Variants in MMP10 observed in about 807,000 individuals in gnomAD.
MMP10 encodes the protein stromelysin-2.
In MMP10, 50 loss-of-function variants were observed where a neutral mutation model predicts 49.1. The observed-to-expected ratio is 1.02, with a 90% CI of 0.81 to 1.29. MMP10 has a LOEUF of 1.29. Among genes scored for constraint, MMP10 ranks in the 50% most tolerant of loss-of-function variants. The probability of loss-of-function intolerance (pLI) is 0.00; values close to 1 mark genes in which losing one functional copy is unlikely to be tolerated. For synonymous variants in MMP10, 229 were observed against 201.6 expected, an observed-to-expected ratio of 1.14 and a Z score of -1.15; for missense variants, 613 against 563.8, an observed-to-expected ratio of 1.09 and a Z score of -0.88.
rs780814989 is a variant in MMP10 at position 102,776,243 on chromosome 11, A to C, written c.932+37T>G. On this transcript the variant is annotated intron_variant, in intron 6 of 9. Transcript: ENST00000279441. ...TTTTCTTTCTAAGCACTGTACATCA[A>C]AAGAATAGATAGGAAAATATAATTT... 2.5e-6 allele frequency: 4 copies of C among 1,582,758 alleles called. No individual in the cohort carries two copies. The African/African-American group carries it at 5.4e-5, about 22-fold the overall frequency.
In MMP10 at chr11:102,780,584, T is replaced by C. The variant is rs1410437493; in HGVS notation, c.8A>G (p.His3Arg). Residue 3 changes from histidine (H) to arginine (R), a missense_variant, in exon 1 of 10, where the codon CAT (histidine) becomes CGT (arginine). Transcript: ENST00000279441. MMHLAFLVLLCLP... is the reference protein window; with the variant it reads MMRLAFLVLLCLP... ...ACACAACAGCACAAGGAATGCAAGA[T>C]GCATCATTCTCACTGCCCTTACCTT... 3 of 1,613,690 alleles carry C rather than the reference T, an allele frequency of 1.9e-6. No homozygotes were observed. Among genetic ancestry groups the C allele is most frequent in the East Asian group, 4.5e-5 (2 of 44,882 alleles).
In MMP10 at chr11:102,772,978, A is replaced by G; in HGVS notation, c.1095T>C (p.Asn365=). ...CTCTTGGATAACCTGCTTGTACCTC[A>G]TTTCCTCTGATGGCCCAGAACTCAT... ...KGNEFWAIRG[N]EVQAGYPRGI... is the part of the protein sequence containing the mutation. The change falls in exon 8 of 10, where the codon AAT becomes AAC. Residue 365 remains asparagine, a synonymous_variant. Transcript: ENST00000279441. This position sits in a 1 kb window ranked among gnomAD's most constrained non-coding sequence, Gnocchi z 4.4. The G allele has an allele frequency of 6.2e-7, 1 of 1,610,436 alleles. No homozygotes were observed. The highest frequency in any genetic ancestry group is 8.5e-7 in the Non-Finnish European group (1 of 1,178,636).
chr11:102,778,787 G>A, intron 3 of MMP10, 38 bp from the exon 4 acceptor site: 2 of 1,609,246 alleles, frequency 1.2e-6, no homozygotes, highest in East Asian at 2.2e-5. Flanking sequence ...TAAGTGTTCA[G>A]AATTTCTTTT....
At chr11:102,773,190 G>A (rs1406988605) in intron 7 of MMP10, among the ~76,000 whole-genome samples, 184 bp from the exon 8 acceptor site, 1 of 152,148 alleles carries the variant, frequency 6.6e-6, no homozygotes, top group Non-Finnish European at 1.5e-5. Context: ...GAATAAATGA[G>A]TAGATAACTC....
chr11:102,770,831 TC>T lies in MMP10; in HGVS notation c.1392del (p.Thr465HisfsTer4), dbSNP rs1332267636. ...QFEFDPNARM[V>X]THILKSNSWL... ...CAGCTGTTACTCTTTAATATGTGTG[TC>T]ACCATCCTGGCATTGGGGTCAAACT... On this transcript the variant is annotated frameshift_variant, in exon 10 of 10. Coordinates refer to ENST00000279441, the MANE Select transcript of MMP10 (RefSeq NM_002425.3). LOFTEE classifies it high-confidence loss of function. 6.2e-7 allele frequency: 1 copy of T among 1,613,092 alleles called. No homozygotes were observed. Among genetic ancestry groups the T allele is most frequent in the African/African-American group, 1.3e-5 (1 of 75,016 alleles).
Position 102,775,311 on chromosome 11 carries a change from G to C in MMP10, c.943C>G (p.Arg315Gly). 6.2e-7 allele frequency: 1 copy of C among 1,604,318 alleles called. No homozygotes were observed. Among genetic ancestry groups the C allele is most frequent in the African/African-American group, 1.3e-5 (1 of 74,598 alleles). Residue 315 changes from arginine to glycine, a missense_variant, in exon 7 of 10, where the codon CGA becomes GGA. Physicochemically the swap from Arg to Gly is moderately radical, Grantham distance 125 (BLOSUM62 -2). Coordinates refer to ENST00000279441, the MANE Select transcript of MMP10 (RefSeq NM_002425.3). ...GGTTCAGGGTTCCAGTGGGATCTTC[G>C]CCAAAAATATCTGTAATACATAAAA... ...YLFFKDRYFWRRSHWNPEPEF... is the reference protein window; with the variant it reads ...YLFFKDRYFWGRSHWNPEPEF...
chr11:102,779,874 A>G, intron 1 of MMP10, 129 bp from the exon 2 acceptor site: 3 of 1,050,874 alleles, frequency 2.9e-6, no homozygotes, highest in East Asian at 2.5e-5. Flanking sequence ...TTGATTTTTC[A>G]TTAAGACTCC....
chr11:102,779,671 A>T lies in MMP10; in HGVS notation c.180T>A (p.Val60=). The change falls in exon 2 of 10, where the codon GTT becomes GTA. Residue 60 remains valine (V), a synonymous_variant. Coordinates refer to ENST00000279441, the MANE Select transcript of MMP10 (RefSeq NM_002425.3). The part of the protein sequence containing the change: ...QFRRKDSNLI[V]KKIQGMQKFL... ...ACTTCTGCATTCCTTGGATTTTTTT[A>T]ACAATGAGATTACTGTCCTTTCTTC... 6.2e-7 allele frequency: 1 copy of T among 1,613,966 alleles called. No individual in the cohort carries two copies. Among genetic ancestry groups the T allele is most frequent in the Non-Finnish European group, 8.5e-7 (1 of 1,179,972 alleles).
rs757038329 is a variant in MMP10 at position 102,770,855 on chromosome 11, A to C, written c.1369T>G (p.Phe457Val). 2 of 1,613,182 alleles carry C rather than the reference A, an allele frequency of 1.2e-6. No homozygotes were observed. The highest frequency in any genetic ancestry group is 1.7e-6 in the Non-Finnish European group (2 of 1,179,510). ...YFFSGSSQFEFDPNARMVTHI... is the reference protein window; with the variant it reads ...YFFSGSSQFEVDPNARMVTHI... ...GTCACCATCCTGGCATTGGGGTCAAACTCAAACTGTGATGATCCACTGAAG... is the reference window on the plus strand; with the variant it reads ...GTCACCATCCTGGCATTGGGGTCAACCTCAAACTGTGATGATCCACTGAAG... Residue 457 changes from phenylalanine (F) to valine (V), a missense_variant, in exon 10 of 10, where the codon TTT becomes GTT. Transcript: ENST00000279441.
chr11:102,770,653 C>T lies in MMP10; in HGVS notation c.*140G>A, dbSNP rs1861966304. 3.7e-6 allele frequency: 2 copies of T among 547,268 alleles called. No individual in the cohort carries two copies. The highest frequency in any genetic ancestry group is 5.9e-5 in the South Asian group (2 of 33,970). 33.9% of individuals were successfully genotyped at this position (547,268 alleles called of 1,614,324 possible). On this transcript the variant is annotated 3_prime_UTR_variant, in exon 10 of 10. Transcript: ENST00000279441. ...AGAATTCCAGAAACATTCTTCATGA[C>T]ACATGCAGATATCTGCAAGGCTCAT...
Position 102,772,219 on chromosome 11 carries a change from T to A in MMP10, c.1227-104A>T. On this transcript the variant is annotated intron_variant, in intron 8 of 9. Transcript: ENST00000279441. The surrounding 1 kb of genome is among the most constrained non-coding windows in gnomAD (Gnocchi z 4.4). ...TTCCAGTGTGGAATCCTAGACAAAC[T>A]TTTTAAGTTGTGTAAAAAAGTGTTA... 1 of 697,590 alleles carries A rather than the reference T, an allele frequency of 1.4e-6. No homozygotes were observed. Among genetic ancestry groups the A allele is most frequent in the Non-Finnish European group, 2.3e-6 (1 of 425,946 alleles). 43.2% of individuals were successfully genotyped at this position (697,590 alleles called of 1,614,324 possible). A position where few individuals can be genotyped will look rare whatever the true frequency, so the allele number is the denominator to read the frequency against.
intron 1 of MMP10, among the ~76,000 whole-genome samples, chr11:102,779,996 C>A (rs1191269598): frequency 2.6e-5 from 4 of 152,088 alleles, no homozygotes; most frequent in Non-Finnish European, 5.9e-5. Context: ...TTTAAAGAAA[C>A]CCTCTTTTAA....
chr11:102,771,948 T>G (rs945138980), intron 9 of MMP10, 64 bp downstream of exon 9: 13 of 1,040,050 alleles, frequency 1.2e-5, no homozygotes, highest in Non-Finnish European at 1.9e-5. Flanking sequence ...ATTCTGCACT[T>G]TATTTTGAAA....
At position 102,779,585 on chromosome 11, in the gene MMP10, G is replaced by A. The variant is rs1366729229; in HGVS notation, c.266C>T (p.Pro89Leu). The A allele has an allele frequency of 6.2e-7, 1 of 1,614,004 alleles. No individual in the cohort carries two copies. Among genetic ancestry groups the A allele is most frequent in the Non-Finnish European group, 8.5e-7 (1 of 1,180,004 alleles). The change falls in exon 2 of 10, where the codon CCC becomes CTC. Residue 89 changes from proline to leucine, a missense_variant. Coordinates refer to ENST00000279441, the MANE Select transcript of MMP10 (RefSeq NM_002425.3). ...DTDTLEVMRKPRCGVPDVGHF... is the reference protein window; with the variant it reads ...DTDTLEVMRKLRCGVPDVGHF... ...ACCAACGTCAGGAACTCCACACCTG[G>A]GCTTGCGCATCACCTCCAGAGTGTC...
intron 7 of MMP10, 44 bp downstream of exon 7, chr11:102,775,144 A>G: frequency 7.1e-7 from 1 of 1,410,336 alleles, no homozygotes; most frequent in South Asian, 1.9e-5. Flanking sequence ...AATTTTTGCA[A>G]TAGGATTTAT....
chr11:102,776,232 A>C (rs1191444527), intron 6 of MMP10, 48 bp downstream of exon 6: 5 of 1,537,262 alleles, frequency 3.3e-6, no homozygotes, highest in Admixed American at 1.9e-5. Flanking sequence ...CTTTCTAAGC[A>C]CTGTACATCA....
At chr11:102,778,952 A>G (rs1331008964) in intron 3 of MMP10, among the ~76,000 whole-genome samples, 1 of 152,192 alleles carries the variant, frequency 6.6e-6, no homozygotes, top group Non-Finnish European at 1.5e-5. Flanking sequence ...GCCCTCATGA[A>G]TGAGATTAGT....
chr11:102,774,926 T>C (rs1000781216), intron 7 of MMP10, among the ~76,000 whole-genome samples: 5 of 152,220 alleles, frequency 3.3e-5, no homozygotes, highest in African/African-American at 7.2e-5. Context: ...TGGCATTTGG[T>C]ATTTGAAATG....
rs1187690668 is a variant in MMP10 at position 102,776,679 on chromosome 11, G to C, written c.720C>G (p.Asn240Lys). 1 of 1,614,066 alleles carries C rather than the reference G, an allele frequency of 6.2e-7. No individual in the cohort carries two copies. The highest frequency in any genetic ancestry group is 8.5e-7 in the Non-Finnish European group (1 of 1,179,964). The change falls in exon 5 of 10, where the codon AAC becomes AAG. Residue 240 changes from asparagine (N) to lysine (K), a missense_variant. Asn to Lys is a moderately conservative substitution (Grantham distance 94, BLOSUM62 0). Transcript: ENST00000279441. ...NTEALMYPLY[N>K]SFTELAQFRL... is the part of the protein sequence containing the mutation. ...GGAACTGGGCGAGCTCTGTGAATGAGTTGTAGAGTGGGTACATCAAAGCTT... is the reference window on the plus strand; with the variant it reads ...GGAACTGGGCGAGCTCTGTGAATGACTTGTAGAGTGGGTACATCAAAGCTT...
Sources: allele counts gnomAD v4.1 joint callset (sites outside exome capture counted in the v4.1 genomes callset), GRCh38; gene constraint gnomAD v4.1.1; non-coding constraint Gnocchi (gnomAD v3.1); transcripts MANE v1.5; gene names NCBI Gene and HGNC (gene_info 2026-07-23, HGNC 2026-07-21).